The following RTN4 variants were observed in gnomAD, a reference collection of about 807,000 sequenced individuals.
RTN4 encodes reticulon-4.
RTN4 carries 32 observed loss-of-function variants against 90.4 expected under a neutral mutation model. The ratio of observed to expected loss-of-function variants is 0.35; its 90% CI spans 0.27 to 0.48. The LOEUF (loss-of-function observed/expected upper bound fraction) is 0.48, where lower values mean the gene tolerates loss of function less well. Among genes scored for constraint, RTN4 ranks in the 20% least tolerant of loss-of-function variants. The pLI is 0.99. For synonymous variants in RTN4, 629 were observed against 552.5 expected, an observed-to-expected ratio of 1.14 and a Z score of -1.94; for missense variants, 1,706 against 1,430.2, an observed-to-expected ratio of 1.19 and a Z score of -3.11.
chr2:55,111,937 C>A (rs1027201606), intron 1 of RTN4, among the ~76,000 whole-genome samples: 1 of 152,170 alleles, frequency 6.6e-6, no homozygotes, highest in African/African-American at 2.4e-5. Context: ...TCTGTGGGCA[C>A]GCACTGCTCT....
Position 54,974,722 on chromosome 2 carries a change from A to G in RTN4, c.3403T>C (p.Phe1135Leu). Residue 1135 changes from phenylalanine to leucine, a missense_variant, in exon 6 of 9, where the codon TTT becomes CTT. Coordinates refer to ENST00000337526, the MANE Select transcript of RTN4 (RefSeq NM_020532.5). ...MWVFTYVGAL[F>L]NGLTLLILAL... ...AAAATCAGTAGTGTCAGACCATTAA[A>G]CAAGGCACCAACATAGGTAAATACC... 4 of 1,614,080 alleles carry G rather than the reference A, an allele frequency of 2.5e-6. No individual in the cohort carries two copies. The highest frequency in any genetic ancestry group is 3.4e-6 in the Non-Finnish European group (4 of 1,179,912).
At chr2:55,129,109 C>CAA in the RTN4 span, among the ~76,000 whole-genome samples, 52 of 99,204 alleles carry the variant, frequency 5.2e-4, no homozygotes, top group African/African-American at 1.2e-3. Flanking sequence ...GACTCCGTCT[C>CAA]AAAAAAAAAA....
At chr2:55,021,413 C>T (rs950383682) in intron 3 of RTN4, among the ~76,000 whole-genome samples, 42 of 151,194 alleles carry the variant, frequency 2.8e-4, no homozygotes, top group Non-Finnish European at 5.6e-4. Flanking sequence ...AAAAAAAAAT[C>T]TCATATAGTG....
the RTN4 span, among the ~76,000 whole-genome samples, chr2:55,118,408 C>T: frequency 6.6e-6 from 1 of 151,710 alleles, no homozygotes; most frequent in Non-Finnish European, 1.5e-5. Context: ...AAGGCTGCAG[C>T]GAGCTGTGTT....
At position 54,987,532 on chromosome 2, in the gene RTN4, C is replaced by T; in HGVS notation, c.3180G>A (p.Val1060=). The change falls in exon 4 of 9, where the codon GTG becomes GTA. Residue 1060 remains valine, a synonymous_variant. Transcript: ENST00000337526. ...CATCTGATTTCTGGATAGCTTGGAT[C>T]ACACCCTTGTATATCCTAAAGCTGA... ...VTISFRIYKG[V]IQAIQKSDEG... is the part of the protein sequence containing the mutation. 6.2e-7 allele frequency: 1 copy of T among 1,614,168 alleles called. No homozygotes were observed. The highest frequency in any genetic ancestry group is 8.5e-7 in the Non-Finnish European group (1 of 1,180,012).
chr2:55,061,066 ATTTT>A (rs36001702), intron 2 of RTN4, among the ~76,000 whole-genome samples: 1 of 140,690 alleles, frequency 7.1e-6, no homozygotes, highest in African/African-American at 2.7e-5. Context: ...AAAAATAAGA[ATTTT>A]TTTTTTTTTT....
intron 3 of RTN4, among the ~76,000 whole-genome samples, chr2:54,989,981 G>A (rs1485474667): frequency 2.0e-5 from 3 of 152,128 alleles, no homozygotes; most frequent in South Asian, 4.1e-4. Flanking sequence ...CTGTGAGGCT[G>A]CCTTTGTACC....
intron 2 of RTN4, among the ~76,000 whole-genome samples, chr2:55,058,615 G>T (rs934882259): frequency 3.9e-5 from 6 of 152,140 alleles, no homozygotes; most frequent in African/African-American, 1.4e-4. Flanking sequence ...GTAGTTGGAG[G>T]TTTTCATTCT....
intron 1 of RTN4, among the ~76,000 whole-genome samples, chr2:55,091,188 C>T (rs912297697): frequency 7.9e-5 from 12 of 152,196 alleles, no homozygotes; most frequent in Non-Finnish European, 1.0e-4. Flanking sequence ...TATGGCTCCA[C>T]CATTTACAAT....
In RTN4 at chr2:55,080,220, G is replaced by A. The variant is rs962324331; in HGVS notation, c.-63+269C>T. Among the ~76,000 whole-genome samples, 5 of 152,066 alleles carry A rather than the reference G, an allele frequency of 3.3e-5. No individual in the cohort carries two copies. The East Asian group carries it at 9.7e-4, about 29-fold the overall frequency. The stretch of plus-strand genomic sequence containing the variant: ...TTTTTTGTAGATGGGGTCTCGCCAT[G>A]TCACCCACGCTGGTCTTGAACTCCT... On this transcript the variant is annotated intron_variant, in intron 2 of 3. Transcript: ENST00000427710.
chr2:55,026,743 T>G lies in RTN4; in HGVS notation c.1356A>C (p.Glu452Asp), dbSNP rs767957097. Residue 452 changes from glutamate to aspartate, a missense_variant, in exon 3 of 9, where the codon GAA becomes GAC. Transcript: ENST00000337526. ...ATGCTCCTGAACGATCCTTTATACC[T>G]TCTGGCGTACTGGGGAAAGAAGTAT... is the stretch of plus-strand genomic sequence containing the variant. Reference protein sequence around the residue: ...NDDTSFPSTPEGIKDRSGAYI... With the variant: ...NDDTSFPSTPDGIKDRSGAYI... 1 of 1,613,976 alleles carries G rather than the reference T, an allele frequency of 6.2e-7. No individual in the cohort carries two copies. Among genetic ancestry groups the G allele is most frequent in the Non-Finnish European group, 8.5e-7 (1 of 1,179,886 alleles).
intron 2 of RTN4, among the ~76,000 whole-genome samples, chr2:55,075,001 C>T (rs1480580572): frequency 6.6e-6 from 1 of 152,170 alleles, no homozygotes; most frequent in Middle Eastern, 3.2e-3. Context: ...GAAGGTATTG[C>T]CCCTGATAAC....
chr2:55,118,932 C>A, the RTN4 span, among the ~76,000 whole-genome samples: 1 of 152,192 alleles, frequency 6.6e-6, no homozygotes, highest in Non-Finnish European at 1.5e-5. Flanking sequence ...GTATTCTACA[C>A]AAAATGCAAA....
chr2:55,057,665 T>C (rs1309798606), intron 2 of RTN4, among the ~76,000 whole-genome samples: 1 of 152,130 alleles, frequency 6.6e-6, no homozygotes, highest in Non-Finnish European at 1.5e-5. Flanking sequence ...AGAATGCGTT[T>C]GAGAAAGCGA....
At chr2:55,015,605 A>AT (rs1680974113) in intron 3 of RTN4, among the ~76,000 whole-genome samples, 1 of 152,200 alleles carries the variant, frequency 6.6e-6, no homozygotes, top group Non-Finnish European at 1.5e-5. Flanking sequence ...AACTGCCAAC[A>AT]TGTTCACATT....
chr2:55,128,881 T>C, the RTN4 span, among the ~76,000 whole-genome samples: 1 of 147,964 alleles, frequency 6.8e-6, no homozygotes, highest in African/African-American at 2.5e-5. Flanking sequence ...CCGAGATGGG[T>C]GGATCACCTG....
At chr2:55,096,116 C>T (rs1206588494) in intron 1 of RTN4, among the ~76,000 whole-genome samples, 1 of 152,074 alleles carries the variant, frequency 6.6e-6, no homozygotes, top group Non-Finnish European at 1.5e-5. Context: ...TACCTGAGGA[C>T]GGGAGTTCAA....
chr2:55,086,158 A>T (rs1260372559), intron 1 of RTN4, among the ~76,000 whole-genome samples: 1 of 152,212 alleles, frequency 6.6e-6, no homozygotes, highest in African/African-American at 2.4e-5. Flanking sequence ...GAAAAGACAC[A>T]AAGATCAAGA....
At chr2:55,020,421 G>GA (rs11383308) in intron 3 of RTN4, among the ~76,000 whole-genome samples, 72,003 of 146,838 alleles carry the variant, frequency 0.49, 17,654 homozygotes, top group South Asian at 0.57. Context: ...TCAATTTTTG[G>GA]AAAAAAAAAA....
Sources: allele counts gnomAD v4.1 joint callset (sites outside exome capture counted in the v4.1 genomes callset), GRCh38; gene constraint gnomAD v4.1.1; transcripts MANE v1.5; gene names NCBI Gene and HGNC (gene_info 2026-07-23, HGNC 2026-07-21).